The following CHRM3 variants were observed in gnomAD, a reference collection of about 807,000 sequenced individuals.
CHRM3 encodes cholinergic receptor muscarinic 3, also known as muscarinic acetylcholine receptor M3.
Under a neutral mutation model 41.8 loss-of-function variants are expected in CHRM3, and 11 were observed. The ratio of observed to expected loss-of-function variants is 0.26; its 90% CI spans 0.17 to 0.44. CHRM3 has a LOEUF of 0.44. Ranked by LOEUF, CHRM3 falls within the 20% of genes least tolerant of loss-of-function variation. The probability of loss-of-function intolerance (pLI) is 1.00; values close to 1 mark genes in which losing one functional copy is unlikely to be tolerated. For missense variants in CHRM3, 571 were observed against 745.4 expected, an observed-to-expected ratio of 0.77 and a Z score of 2.72; for synonymous variants, 297 against 301.4, an observed-to-expected ratio of 0.99 and a Z score of 0.15.
chr1:239,536,077 G>A (rs982310527), intron 2 of CHRM3, among the ~76,000 whole-genome samples: 5 of 152,258 alleles, frequency 3.3e-5, no homozygotes, highest in Middle Eastern at 3.4e-3. Flanking sequence ...CTAGGGAGGC[G>A]TCTTAAAGAT....
At chr1:239,708,139 T>A (rs1489939225) in intron 5 of CHRM3, among the ~76,000 whole-genome samples, 1 of 152,218 alleles carries the variant, frequency 6.6e-6, no homozygotes, top group East Asian at 1.9e-4. Flanking sequence ...TGTTTCAGAC[T>A]AAACCATGTG....
chr1:239,623,570 C>T (rs1388247636), intron 3 of CHRM3, among the ~76,000 whole-genome samples: 10 of 100,180 alleles, frequency 1.0e-4, no homozygotes, highest in Admixed American at 1.1e-4. Context: ...CATATGTATA[C>T]ATGTGCCATG....
At chr1:239,756,206 A>G (rs1343097730) in intron 5 of CHRM3, among the ~76,000 whole-genome samples, 1 of 152,162 alleles carries the variant, frequency 6.6e-6, no homozygotes, top group Non-Finnish European at 1.5e-5. Context: ...TGGATCCATA[A>G]TGACTCAATC....
chr1:239,603,933 T>G (rs953303573), intron 3 of CHRM3, among the ~76,000 whole-genome samples: 1 of 152,186 alleles, frequency 6.6e-6, no homozygotes, highest in African/African-American at 2.4e-5. Flanking sequence ...CTATTTTGTT[T>G]TCTTTACTAC....
At chr1:239,435,459 A>T (rs1303259709) in intron 1 of CHRM3, among the ~76,000 whole-genome samples, 51 of 83,434 alleles carry the variant, frequency 6.1e-4, no homozygotes, top group Non-Finnish European at 8.3e-4. Context: ...ATAAAATTTA[A>T]AAAAAAAAAA....
At chr1:239,570,591 A>T (rs972496994) in intron 3 of CHRM3, among the ~76,000 whole-genome samples, 1 of 152,186 alleles carries the variant, frequency 6.6e-6, no homozygotes, top group Non-Finnish European at 1.5e-5. Flanking sequence ...TCAAATCTAT[A>T]CTAATGCTTG....
chr1:239,592,405 A>G (rs1172740572), intron 3 of CHRM3, among the ~76,000 whole-genome samples: 1 of 152,118 alleles, frequency 6.6e-6, no homozygotes, highest in Non-Finnish European at 1.5e-5. Context: ...CATTACCCTA[A>G]AAAAGAAAAC....
At chr1:239,399,281 T>C (rs1017549443) in intron 1 of CHRM3, among the ~76,000 whole-genome samples, 3 of 152,030 alleles carry the variant, frequency 2.0e-5, no homozygotes, top group Non-Finnish European at 2.9e-5. Flanking sequence ...TTTGATATCG[T>C]GGTACTTTGT....
chr1:239,549,550 G>A (rs892386292), intron 3 of CHRM3, among the ~76,000 whole-genome samples: 2 of 149,558 alleles, frequency 1.3e-5, no homozygotes, highest in African/African-American at 4.9e-5. Context: ...AATCCCAGCT[G>A]CCCGGGAGGC....
chr1:239,540,055 A>G (rs992937182), intron 2 of CHRM3, among the ~76,000 whole-genome samples: 36 of 152,236 alleles, frequency 2.4e-4, no homozygotes, highest in Non-Finnish European at 2.9e-5. Context: ...GGTTTATGAT[A>G]GAGCCTAGGT....
intron 1 of CHRM3, among the ~76,000 whole-genome samples, chr1:239,455,765 T>G (rs776990965): frequency 6.6e-6 from 1 of 152,216 alleles, no homozygotes. Context: ...AAGCTAAGGT[T>G]AATTTTATTA....
rs1370268036 is a variant in CHRM3 at position 239,402,985 on chromosome 1, G to C, written c.-521+15758G>C. 2.7e-4 allele frequency among the ~76,000 whole-genome samples: 41 copies of C among 152,100 alleles called. 1 individual carries two copies. Among genetic ancestry groups the C allele is most frequent in the Admixed American group, 2.7e-3 (41 of 15,270 alleles). On this transcript the variant is annotated intron_variant, in intron 1 of 6. Coordinates refer to ENST00000676153, the MANE Select transcript of CHRM3 (RefSeq NM_001375978.1). ...CTGGAATATTTTTGATGCGAGATTA[G>C]TTAAATTTACGGATGTGGAACCCAC...
intron 6 of CHRM3, among the ~76,000 whole-genome samples, chr1:239,878,598 TA>T (rs1466944791): frequency 1.3e-5 from 2 of 150,698 alleles, no homozygotes; most frequent in African/African-American, 5.0e-5. Context: ...CTCAGTATTT[TA>T]AATTTTTTTT....
chr1:239,507,173 C>T (rs544711471), intron 2 of CHRM3, among the ~76,000 whole-genome samples: 14 of 152,160 alleles, frequency 9.2e-5, no homozygotes, highest in South Asian at 4.2e-4. Context: ...TGATTGGTTT[C>T]GAAATGTGAT....
chr1:239,807,693 T>G (rs576672741), intron 5 of CHRM3, among the ~76,000 whole-genome samples: 9 of 152,242 alleles, frequency 5.9e-5, no homozygotes, highest in Non-Finnish European at 1.2e-4. Flanking sequence ...TTACATGCTC[T>G]GTTAAATTTT....
At chr1:239,872,470 C>A (rs1388480600) in intron 6 of CHRM3, among the ~76,000 whole-genome samples, 1 of 152,150 alleles carries the variant, frequency 6.6e-6, no homozygotes, top group African/African-American at 2.4e-5. Flanking sequence ...GAGAACTAAA[C>A]ACCCACCTTG....
intron 6 of CHRM3, among the ~76,000 whole-genome samples, chr1:239,846,197 A>G (rs888705491): frequency 1.3e-5 from 2 of 152,112 alleles, no homozygotes; most frequent in African/African-American, 4.8e-5. Flanking sequence ...TCTTTCCGAC[A>G]TAGATGGTAG....
At chr1:239,765,679 G>T (rs1314475908) in intron 5 of CHRM3, among the ~76,000 whole-genome samples, 2 of 151,432 alleles carry the variant, frequency 1.3e-5, no homozygotes, top group Non-Finnish European at 2.9e-5. Context: ...TGTATTTGAT[G>T]TAAGAATGTA....
chr1:239,787,608 G>A (rs1195001457), intron 5 of CHRM3, among the ~76,000 whole-genome samples: 1 of 152,110 alleles, frequency 6.6e-6, no homozygotes, highest in East Asian at 1.9e-4. Context: ...TCAGTAAAGT[G>A]AAACAGGCAG....
Sources: allele counts gnomAD v4.1 joint callset (sites outside exome capture counted in the v4.1 genomes callset), GRCh38; gene constraint gnomAD v4.1.1; transcripts MANE v1.5; gene names NCBI Gene and HGNC (gene_info 2026-07-23, HGNC 2026-07-21).